CDK5RAP2: variants seen among roughly 807,000 people sequenced by gnomAD.
The protein encoded by CDK5RAP2 is CDK5 regulatory subunit-associated protein 2.
Under a neutral mutation model 232.9 loss-of-function variants are expected in CDK5RAP2, and 147 were observed. That is an observed-to-expected ratio of 0.63 (90% CI 0.55 to 0.72). The LOEUF is 0.72. Among genes scored for constraint, CDK5RAP2 ranks in the 30% least tolerant of loss-of-function variants. The pLI, the probability that CDK5RAP2 is intolerant of heterozygous loss-of-function variation, is 0.00. For missense variants in CDK5RAP2, 2,195 were observed against 2,231.5 expected (o/e 0.98, Z 0.33); for synonymous variants, 833 against 833.7 (o/e 1.00, Z 0.01).
At chr9:120,411,561 A>G in intron 28 of CDK5RAP2, 87 bp from the exon 29 acceptor site, 2 of 762,106 alleles carry the variant, frequency 2.6e-6, no homozygotes, top group South Asian at 2.8e-5. Flanking sequence ...TTAAACAAAG[A>G]GTTAACACAA....
At position 120,458,494 on chromosome 9, in the gene CDK5RAP2, A is replaced by G. The variant is rs1193597908; in HGVS notation, c.2331T>C (p.Leu777=). 1 of 1,614,060 alleles carries G rather than the reference A, an allele frequency of 6.2e-7. No homozygotes were observed. The highest frequency in any genetic ancestry group is 8.5e-7 in the Non-Finnish European group (1 of 1,180,030). Residue 777 remains leucine, a synonymous_variant, in exon 20 of 38, where the codon CTT becomes CTC. Transcript: ENST00000349780. ...CLEEGAFINL[L]APLFNEKATL... ...TGGCCTTCTCATTGAACAAAGGGGC[A>G]AGCAGGTTTATGAATGCACCTTCTT...
chr9:120,544,345 C>A (rs921499566), intron 5 of CDK5RAP2, among the ~76,000 whole-genome samples: 6 of 152,162 alleles, frequency 3.9e-5, no homozygotes, highest in Non-Finnish European at 1.5e-5. Flanking sequence ...AGCAGATTTG[C>A]CTCCCTGCCC....
chr9:120,421,094 TATAGA>T (rs1208043151), intron 26 of CDK5RAP2, among the ~76,000 whole-genome samples: 1 of 152,202 alleles, frequency 6.6e-6, no homozygotes, highest in Admixed American at 6.5e-5. Context: ...CCCTACTTCC[TATAGA>T]ATAGTGTTTG....
chr9:120,521,426 G>A (rs2040648109), intron 11 of CDK5RAP2, among the ~76,000 whole-genome samples: 5 of 152,110 alleles, frequency 3.3e-5, no homozygotes, highest in Admixed American at 3.3e-4. Context: ...GGGACCGGGT[G>A]GGAGGTAACT....
intron 21 of CDK5RAP2, among the ~76,000 whole-genome samples, chr9:120,449,881 G>A (rs779347302): frequency 6.6e-6 from 1 of 152,186 alleles, no homozygotes; most frequent in Non-Finnish European, 1.5e-5. Context: ...TGTTGATGAA[G>A]CGGAGAAATT....
chr9:120,572,360 T>C (rs2042885338), intron 1 of CDK5RAP2, among the ~76,000 whole-genome samples: 1 of 152,220 alleles, frequency 6.6e-6, no homozygotes, highest in Middle Eastern at 3.2e-3. Context: ...CTCACCCTCT[T>C]AATCTGGTAC....
intron 23 of CDK5RAP2, 60 bp from the exon 24 acceptor site, chr9:120,440,032 T>C (rs1383497324): frequency 6.8e-7 from 1 of 1,474,890 alleles, no homozygotes; most frequent in African/African-American, 1.4e-5. Context: ...CCCTCTCTCC[T>C]TCCTCACAGC....
intron 27 of CDK5RAP2, among the ~76,000 whole-genome samples, chr9:120,416,762 T>G (rs1302705589): frequency 6.6e-6 from 1 of 152,200 alleles, no homozygotes; most frequent in Non-Finnish European, 1.5e-5. Context: ...TGTCTTTAAT[T>G]TATCAATTAG....
chr9:120,452,287 C>G (rs2036521126), intron 21 of CDK5RAP2, among the ~76,000 whole-genome samples: 1 of 150,298 alleles, frequency 6.7e-6, no homozygotes, highest in African/African-American at 2.5e-5. Context: ...CTACTGATAT[C>G]TTTAGAAAAC....
rs886687320 is a variant in CDK5RAP2, at chr9:120,459,369, A to T, written c.2203-747T>A. On this transcript the variant is annotated intron_variant, in intron 19 of 37. Coordinates refer to ENST00000349780, the MANE Select transcript of CDK5RAP2 (RefSeq NM_018249.6). ...AGCTGTAAATTTCTTCTACCAGTCT[A>T]TAAATAACTCCTCTTGACTTCATTA... Among the ~76,000 whole-genome samples the T allele has an allele frequency of 2.0e-5, 3 of 152,338 alleles. No individual in the cohort carries two copies. The East Asian group carries it at 5.8e-4, about 29-fold the overall frequency.
chr9:120,479,050 G>C (rs1253355226), intron 14 of CDK5RAP2, among the ~76,000 whole-genome samples: 1 of 152,014 alleles, frequency 6.6e-6, no homozygotes, highest in Non-Finnish European at 1.5e-5. Context: ...GTTGTCAAAA[G>C]GACACACAGA....
chr9:120,472,010 A>C (rs2037735667), intron 15 of CDK5RAP2, 132 bp from the exon 16 acceptor site: 1 of 1,180,420 alleles, frequency 8.5e-7, no homozygotes, highest in Non-Finnish European at 1.2e-6. Flanking sequence ...ATACAGGTTT[A>C]CTATAGAGAA....
At position 120,545,998 on chromosome 9, in the gene CDK5RAP2, T is replaced by C. The variant is rs10739564; in HGVS notation, c.307-208A>G. ...GGTCTCAAAAGAAAGACCTAGATTTTGTGAGACTTGGAACAATTATGTAAA... is the reference window on the plus strand; with the variant it reads ...GGTCTCAAAAGAAAGACCTAGATTTCGTGAGACTTGGAACAATTATGTAAA... On this transcript the variant is annotated intron_variant, in intron 4 of 37. Coordinates refer to ENST00000349780, the MANE Select transcript of CDK5RAP2 (RefSeq NM_018249.6). Among the ~76,000 whole-genome samples, 147,218 of 152,296 alleles carry C rather than the reference T, an allele frequency of 0.97. 71,331 individuals are homozygous for C. Among genetic ancestry groups the C allele is most frequent in the East Asian group, 1 (5,182 of 5,182 alleles).
intron 5 of CDK5RAP2, among the ~76,000 whole-genome samples, chr9:120,541,286 C>G (rs4837778): frequency 0.98 from 148,914 of 152,294 alleles, 72,878 homozygotes; most frequent in East Asian, 1. Context: ...TCTAACCTTT[C>G]TGTTTTGCTG....
intron 8 of CDK5RAP2, among the ~76,000 whole-genome samples, 199 bp downstream of exon 8, chr9:120,529,779 A>G (rs2131915208): frequency 6.6e-6 from 1 of 152,356 alleles, no homozygotes. Flanking sequence ...GCAACTCTTT[A>G]TAGGAACAGG....
At chr9:120,554,831 C>T (rs762681545) in intron 3 of CDK5RAP2, among the ~76,000 whole-genome samples, 47 of 152,164 alleles carry the variant, frequency 3.1e-4, no homozygotes, top group Non-Finnish European at 4.4e-4. Flanking sequence ...ACAGGGTTCA[C>T]CATGTTGGCC....
intron 11 of CDK5RAP2, among the ~76,000 whole-genome samples, chr9:120,520,320 A>G (rs941323563): frequency 3.3e-5 from 5 of 151,988 alleles, no homozygotes; most frequent in African/African-American, 1.2e-4. Flanking sequence ...AATGGTCTCT[A>G]TTTTCATATG....
chr9:120,538,096 T>C (rs2041472683), intron 6 of CDK5RAP2, among the ~76,000 whole-genome samples: 1 of 152,238 alleles, frequency 6.6e-6, no homozygotes, highest in Non-Finnish European at 1.5e-5. Flanking sequence ...TGGTTCTAGT[T>C]CTACCACTTC....
intron 18 of CDK5RAP2, among the ~76,000 whole-genome samples, chr9:120,463,836 T>C (rs2037222721): frequency 6.6e-6 from 1 of 152,246 alleles, no homozygotes; most frequent in Non-Finnish European, 1.5e-5. Context: ...AATTAAATGT[T>C]ATGGACATAG....
Sources: allele counts gnomAD v4.1 joint callset (sites outside exome capture counted in the v4.1 genomes callset), GRCh38; gene constraint gnomAD v4.1.1; transcripts MANE v1.5; gene names NCBI Gene and HGNC (gene_info 2026-07-23, HGNC 2026-07-21).